POU6F2: variants seen among roughly 807,000 people sequenced by gnomAD.
POU6F2 encodes the protein POU class 6 homeobox 2.
Under a neutral mutation model 71.3 loss-of-function variants are expected in POU6F2, and 31 were observed. The observed-to-expected ratio is 0.43, with a 90% CI of 0.33 to 0.59. The LOEUF (loss-of-function observed/expected upper bound fraction) is 0.59, where lower values mean the gene tolerates loss of function less well. POU6F2 is among the 20% of genes least tolerant of loss of function. The pLI is 0.04. For missense variants in POU6F2, 783 were observed against 856.8 expected (o/e 0.91, Z 1.07); for synonymous variants, 347 against 355.7 (o/e 0.98, Z 0.27).
At chr7:39,310,023 T>C (rs1785130289) in intron 4 of POU6F2, among the ~76,000 whole-genome samples, 1 of 152,118 alleles carries the variant, frequency 6.6e-6, no homozygotes, top group Non-Finnish European at 1.5e-5. Flanking sequence ...TTTAGCTCTT[T>C]TGGATGATGT....
chr7:39,034,529 A>C (rs763728013), intron 1 of POU6F2: 37 of 416,142 alleles, frequency 8.9e-5, no homozygotes, highest in South Asian at 6.3e-4. Context: ...TAATGCACAT[A>C]AAGTCGGGGT....
intron 2 of POU6F2, among the ~76,000 whole-genome samples, chr7:39,124,953 G>A (rs1239653996): frequency 6.6e-6 from 1 of 152,048 alleles, no homozygotes; most frequent in Non-Finnish European, 1.5e-5. Flanking sequence ...TTGCCTATAG[G>A]AACATTGATA....
intron 4 of POU6F2, among the ~76,000 whole-genome samples, chr7:39,268,141 G>A (rs1415012637): frequency 6.6e-6 from 1 of 152,186 alleles, no homozygotes; most frequent in Non-Finnish European, 1.5e-5. Context: ...TGTCTGCATA[G>A]GGAGATGTGG....
intron 5 of POU6F2, among the ~76,000 whole-genome samples, chr7:39,355,551 A>G (rs6954134): frequency 0.024 from 3,616 of 152,226 alleles, 155 homozygotes; most frequent in African/African-American, 0.081. Flanking sequence ...TCTTAGGTGT[A>G]TAGCAGGCCA....
chr7:39,145,514 A>T (rs1420680521), intron 2 of POU6F2, among the ~76,000 whole-genome samples: 2 of 152,176 alleles, frequency 1.3e-5, no homozygotes, highest in Non-Finnish European at 2.9e-5. Context: ...TAACCTTCTT[A>T]CTTCTAACCG....
chr7:39,225,649 C>T (rs967069953), intron 4 of POU6F2, among the ~76,000 whole-genome samples: 12 of 152,108 alleles, frequency 7.9e-5, no homozygotes, highest in Admixed American at 3.3e-4. Context: ...ATTCCACATC[C>T]ACGACATTCA....
chr7:39,031,472 G>C lies in POU6F2; in HGVS notation c.105+53414G>C, dbSNP rs141878066. On this transcript the variant is annotated intron_variant, in intron 1 of 9. Transcript: ENST00000518318. ...TAAGGTTCCATGTGAATGTGAATAT[G>C]TAACAAAACACCTACTCTATATTTC... Among the ~76,000 whole-genome samples, 3 of 152,238 alleles carry C rather than the reference G, an allele frequency of 2.0e-5. No individual in the cohort carries two copies. In the East Asian group the frequency reaches 5.8e-4, roughly 29 times the overall value.
At chr7:39,271,316 T>C (rs761108653) in intron 4 of POU6F2, among the ~76,000 whole-genome samples, 1 of 152,116 alleles carries the variant, frequency 6.6e-6, no homozygotes, top group Non-Finnish European at 1.5e-5. Context: ...TGAATATAAG[T>C]AGCAACAGGG....
intron 4 of POU6F2, among the ~76,000 whole-genome samples, chr7:39,214,483 A>G (rs1364559032): frequency 6.6e-6 from 1 of 152,176 alleles, no homozygotes; most frequent in Non-Finnish European, 1.5e-5. Context: ...TACTGTAGCC[A>G]TCGAGGGCAA....
intron 2 of POU6F2, among the ~76,000 whole-genome samples, chr7:39,099,872 A>T (rs1016066024): frequency 6.6e-6 from 1 of 152,206 alleles, no homozygotes; most frequent in Non-Finnish European, 1.5e-5. Flanking sequence ...GGGAGCGTGG[A>T]TCAGAGATTA....
In POU6F2 at chr7:39,433,117, C is replaced by A. The variant is rs373122380; in HGVS notation, c.1154C>A (p.Ser385Ter). 1 of 1,613,376 alleles carries A rather than the reference C, an allele frequency of 6.2e-7. No individual in the cohort carries two copies. The highest frequency in any genetic ancestry group is 1.3e-5 in the African/African-American group (1 of 74,852). The part of the protein sequence containing the change: ...TIPLMPNPGP[S>*]SQAASGTQGL... ...CCACTGATGCCTAATCCAGGGCCAT[C>A]GAGCCAAGCAGCAAGCGGCACTCAG... is the stretch of plus-strand genomic sequence containing the variant. The change falls in exon 7 of 10, where the codon TCG becomes TAG. Residue 385 changes from serine to a stop codon, truncating the protein, a stop_gained. Transcript: ENST00000518318. LOFTEE classifies it high-confidence loss of function.
chr7:39,025,182 A>C (rs1789771802), intron 1 of POU6F2, among the ~76,000 whole-genome samples: 1 of 152,146 alleles, frequency 6.6e-6, no homozygotes, highest in African/African-American at 2.4e-5. Context: ...GCAATTTCAG[A>C]TCCTGTTATT....
chr7:39,311,918 A>G (rs561305297), intron 4 of POU6F2, among the ~76,000 whole-genome samples: 1 of 152,382 alleles, frequency 6.6e-6, no homozygotes, highest in South Asian at 2.1e-4. Flanking sequence ...AAACTTCTAA[A>G]GAAAGAATTA....
rs1491146903 is a variant in POU6F2 at position 39,030,543 on chromosome 7, T to TATATATATATATATATGTATAC, written c.105+52486_105+52487insTATATATATATATATGTATACA. ...ATATATATATATATATATATATATATACACACACATACATATATTCCATTG... is the reference window on the plus strand; with the variant it reads ...ATATATATATATATATATATATATATATATATATATATATATGTATACACACACACATACATATATTCCATTG... On this transcript the variant is annotated intron_variant, in intron 1 of 9. Transcript: ENST00000518318. Among the ~76,000 whole-genome samples the TATATATATATATATATGTATAC allele has an allele frequency of 1.7e-3, 152 of 87,988 alleles. 15 individuals are homozygous for TATATATATATATATATGTATAC. The highest frequency in any genetic ancestry group is 0.012 in the East Asian group (17 of 1,432). 57.7% of individuals were successfully genotyped at this position (87,988 alleles called of 152,430 possible). A position where few individuals can be genotyped will look rare whatever the true frequency, so the allele number is the denominator to read the frequency against.
intron 1 of POU6F2, among the ~76,000 whole-genome samples, chr7:39,077,476 A>C (rs1205330549): frequency 6.6e-6 from 1 of 152,184 alleles, no homozygotes; most frequent in Admixed American, 6.5e-5. Context: ...GGTTTGGCTT[A>C]ATTGCTTGTC....
At chr7:39,053,953 A>C (rs1296656714) in intron 1 of POU6F2, among the ~76,000 whole-genome samples, 2 of 151,950 alleles carry the variant, frequency 1.3e-5, no homozygotes, top group Non-Finnish European at 2.9e-5. Context: ...AAATACAAAA[A>C]TTAGCCAGGC....
chr7:39,057,495 T>C lies in POU6F2; in HGVS notation c.106-28365T>C, dbSNP rs139695148. On this transcript the variant is annotated intron_variant, in intron 1 of 9. Transcript: ENST00000518318. ...CAATTTGCAAAGGATGTTAAATCGT[T>C]GTATGTCTAGTTTGTTGCAGTTATT... Among the ~76,000 whole-genome samples the C allele has an allele frequency of 4.1e-3, 627 of 152,268 alleles. 5 individuals carry two copies. The highest frequency in any genetic ancestry group is 0.014 in the African/African-American group (600 of 41,568).
At position 39,076,895 on chromosome 7, in the gene POU6F2, CATTA is replaced by C. The variant is rs1791014746; in HGVS notation, c.106-8959_106-8956del. 2.1e-5 allele frequency among the ~76,000 whole-genome samples: 3 copies of C among 145,052 alleles called. No individual in the cohort carries two copies. The South Asian group carries it at 6.7e-4, about 32-fold the overall frequency. On this transcript the variant is annotated intron_variant, in intron 1 of 9. Coordinates refer to ENST00000518318, the MANE Select transcript of POU6F2 (RefSeq NM_001370959.1). Reference sequence around the variant, plus strand: ...ACACACACACACACACACACACACACATTAATTAACAGTCTCTGCTAGAGTTTTT... The same window carrying C: ...ACACACACACACACACACACACACACATTAACAGTCTCTGCTAGAGTTTTT...
At chr7:39,289,226 G>T (rs868217461) in intron 4 of POU6F2, among the ~76,000 whole-genome samples, 3 of 152,092 alleles carry the variant, frequency 2.0e-5, no homozygotes, top group South Asian at 2.1e-4. Flanking sequence ...CCCAACACAG[G>T]CCACACATAC....
Sources: gnomAD v4.1 joint callset for allele counts (sites outside exome capture counted in the v4.1 genomes callset) on GRCh38, gnomAD v4.1.1 for gene constraint, MANE v1.5 for transcripts, NCBI Gene and HGNC (gene_info 2026-07-23, HGNC 2026-07-21) for gene names.